Variants in DESI2 observed in about 807,000 individuals in gnomAD.
The protein encoded by DESI2 is desumoylating isopeptidase 2, also known as deubiquitinase DESI2.
In DESI2, 10 loss-of-function variants were observed where a neutral mutation model predicts 24.1. The ratio of observed to expected loss-of-function variants is 0.41; its 90% CI spans 0.26 to 0.70. The LOEUF is 0.70. Ranked by LOEUF, DESI2 falls within the 30% of genes least tolerant of loss-of-function variation. The probability of loss-of-function intolerance (pLI) is 0.29; values close to 1 mark genes in which losing one functional copy is unlikely to be tolerated. For missense variants in DESI2, 122 were observed against 234.9 expected, an observed-to-expected ratio of 0.52 and a Z score of 3.14; for synonymous variants, 71 against 87.7, an observed-to-expected ratio of 0.81 and a Z score of 1.06.
Position 244,709,003 on chromosome 1 carries a change from T to G in DESI2, c.*3214T>G, listed in dbSNP as rs1244212330. 6.6e-6 allele frequency: 1 copy of G among 152,482 alleles called. No individual in the cohort carries two copies. The highest frequency in any genetic ancestry group is 1.5e-5 in the Non-Finnish European group (1 of 68,044). The allele number at this position is 152,482 out of a possible 1,614,324, so 9.4% of individuals were successfully genotyped here. On this transcript the variant is annotated 3_prime_UTR_variant, in exon 5 of 5. Transcript: ENST00000302550. ...TATCATGTTACAACATTGAAATACA[T>G]TGATTTATTAAAAAATACTTTTATA...
At chr1:244,683,688 A>C (rs1676713142) in intron 1 of DESI2, among the ~76,000 whole-genome samples, 1 of 151,658 alleles carries the variant, frequency 6.6e-6, no homozygotes, top group Non-Finnish European at 1.5e-5. Flanking sequence ...TCTTCCTCTT[A>C]GTTCCTTAAG....
chr1:244,653,701 C>T, intron 1 of DESI2: 1 of 390,104 alleles, frequency 2.6e-6, no homozygotes, highest in East Asian at 6.1e-5. Flanking sequence ...ACCCCACTTG[C>T]CGGCCCCCGG....
chr1:244,702,603 G>C (rs1339922414), intron 4 of DESI2, among the ~76,000 whole-genome samples: 1 of 152,200 alleles, frequency 6.6e-6, no homozygotes, highest in Non-Finnish European at 1.5e-5. Flanking sequence ...TTTTAGGCTT[G>C]TGGACTATTC....
At position 244,692,020 on chromosome 1, in the gene DESI2, G is replaced by A; in HGVS notation, c.351G>A (p.Glu117=). Residue 117 remains glutamate (E), a splice_region_variant and synonymous_variant, in exon 4 of 5, where the codon GAG becomes GAA. Transcript: ENST00000302550. The stretch of plus-strand genomic sequence containing the variant: ...ATCATTTTTCTTCAGCTTTATCAGA[G>A]GTAAGCTAAATTTTATCCTAAAAGT... ...NCNHFSSALS[E]ILCGKEIPRW... is the part of the protein sequence containing the mutation. The A allele has an allele frequency of 6.3e-7, 1 of 1,587,462 alleles. No individual in the cohort carries two copies. The highest frequency in any genetic ancestry group is 8.5e-7 in the Non-Finnish European group (1 of 1,172,300).
intron 1 of DESI2, among the ~76,000 whole-genome samples, chr1:244,662,790 G>C (rs1342240825): frequency 1.3e-5 from 2 of 152,178 alleles, no homozygotes; most frequent in Non-Finnish European, 2.9e-5. Flanking sequence ...ATACCATGTA[G>C]AAAGGAGAAA....
At chr1:244,694,475 T>C in intron 4 of DESI2, 1 of 789,346 alleles carries the variant, frequency 1.3e-6, no homozygotes. Context: ...TGGGTTTAGG[T>C]GGTGTTCCTT....
chr1:244,692,830 T>C (rs1230576128), intron 4 of DESI2, among the ~76,000 whole-genome samples: 1 of 152,206 alleles, frequency 6.6e-6, no homozygotes, highest in Non-Finnish European at 1.5e-5. Flanking sequence ...CAGCATCTCC[T>C]AGTAATTTGT....
chr1:244,681,413 C>T (rs1433412903), intron 1 of DESI2, among the ~76,000 whole-genome samples: 5 of 151,844 alleles, frequency 3.3e-5, no homozygotes, highest in African/African-American at 4.8e-5. Context: ...CACTTGCTCT[C>T]TACTAGAGCA....
At chr1:244,682,920 T>C (rs1486774380) in intron 1 of DESI2, among the ~76,000 whole-genome samples, 40 of 151,744 alleles carry the variant, frequency 2.6e-4, no homozygotes, top group Non-Finnish European at 1.0e-4. Context: ...TTCAAGACCA[T>C]TGTGATAGGT....
chr1:244,696,047 T>C (rs1677203800), intron 4 of DESI2, among the ~76,000 whole-genome samples: 2 of 152,158 alleles, frequency 1.3e-5, no homozygotes, highest in African/African-American at 4.8e-5. Context: ...TGGGATTACC[T>C]GCATGAGCCA....
In DESI2 at chr1:244,684,957, C is replaced by T. The variant is rs1210691874; in HGVS notation, c.43-1640C>T. ...CTCTCCTTCCAAAATCAAATTGATT[C>T]ACATAAAAAAATGTAGCCTTCGTTT... On this transcript the variant is annotated intron_variant, in intron 1 of 4. Coordinates refer to ENST00000302550, the MANE Select transcript of DESI2 (RefSeq NM_016076.5). Among the ~76,000 whole-genome samples, 3 of 152,110 alleles carry T rather than the reference C, an allele frequency of 2.0e-5. No homozygotes were observed. In the East Asian group the frequency reaches 5.8e-4, roughly 29 times the overall value.
chr1:244,694,708 T>A, intron 4 of DESI2: 1 of 714,988 alleles, frequency 1.4e-6, no homozygotes, highest in East Asian at 2.5e-5. Flanking sequence ...AACGATGATG[T>A]TGCCTTCGTC....
rs143398917 is a variant in DESI2 at position 244,672,739 on chromosome 1, T to C, written c.43-13858T>C. On this transcript the variant is annotated intron_variant, in intron 1 of 4. Coordinates refer to ENST00000302550, the MANE Select transcript of DESI2 (RefSeq NM_016076.5). ...TGAAAATACAAAAATTAGCCAGGCA[T>C]GGTGGCATATGCCTGTAATCCCAGC... Among the ~76,000 whole-genome samples the C allele has an allele frequency of 7.8e-4, 119 of 152,084 alleles. No individual in the cohort carries two copies. The East Asian group carries it at 0.019, about 24-fold the overall frequency.
intron 1 of DESI2, among the ~76,000 whole-genome samples, chr1:244,659,675 G>T (rs1675771731): frequency 6.6e-6 from 1 of 152,132 alleles, no homozygotes; most frequent in African/African-American, 2.4e-5. Flanking sequence ...CCAGGTAATT[G>T]AGACCCACCC....
chr1:244,660,279 C>T (rs1004952447), intron 1 of DESI2, among the ~76,000 whole-genome samples: 1 of 152,146 alleles, frequency 6.6e-6, no homozygotes, highest in African/African-American at 2.4e-5. Flanking sequence ...AATTTTCCTG[C>T]CTCAGCCTCC....
chr1:244,690,597 C>T (rs1383621451), intron 3 of DESI2, among the ~76,000 whole-genome samples: 3 of 151,196 alleles, frequency 2.0e-5, no homozygotes, highest in South Asian at 2.1e-4. Context: ...CCCAGCTACT[C>T]GGGAGGCTGA....
intron 1 of DESI2, among the ~76,000 whole-genome samples, chr1:244,663,757 G>A (rs891270143): frequency 6.6e-6 from 1 of 151,838 alleles, no homozygotes; most frequent in Non-Finnish European, 1.5e-5. Flanking sequence ...GGTGGCTCAC[G>A]CCTGTAATCC....
chr1:244,703,226 T>C (rs1677546744), intron 4 of DESI2, among the ~76,000 whole-genome samples: 1 of 152,178 alleles, frequency 6.6e-6, no homozygotes, highest in South Asian at 2.1e-4. Flanking sequence ...GGTCTCGAAC[T>C]GCTGACCTCA....
rs1030161821 is a variant in DESI2 at position 244,708,662 on chromosome 1, C to T, written c.*2873C>T. The T allele has an allele frequency of 2.3e-4, 35 of 152,622 alleles. 1 individual carries two copies. The highest frequency in any genetic ancestry group is 8.4e-4 in the African/African-American group (35 of 41,444). The allele number at this position is 152,622 out of a possible 1,614,324, so 9.5% of individuals were successfully genotyped here. A position where few individuals can be genotyped will look rare whatever the true frequency, so the allele number is the denominator to read the frequency against. On this transcript the variant is annotated 3_prime_UTR_variant, in exon 5 of 5. Transcript: ENST00000302550. The stretch of plus-strand genomic sequence containing the variant: ...CTTATGACTCCATTTCTGTAAGCTA[C>T]TCTGTAACTTTGATATATGCTGTAT...
Sources: allele counts gnomAD v4.1 joint callset (sites outside exome capture counted in the v4.1 genomes callset), GRCh38; gene constraint gnomAD v4.1.1; transcripts MANE v1.5; gene names NCBI Gene and HGNC (gene_info 2026-07-23, HGNC 2026-07-21).